Variants in PCBP2 observed in about 807,000 individuals in gnomAD.
PCBP2 encodes the protein poly(rC)-binding protein 2.
A neutral mutation model predicts 50.1 loss-of-function variants in PCBP2; 4 were observed. The ratio of observed to expected loss-of-function variants is 0.08; its 90% CI spans 0.04 to 0.18. PCBP2 has a LOEUF of 0.18. Ranked by LOEUF, PCBP2 falls within the 10% of genes least tolerant of loss-of-function variation. The probability of loss-of-function intolerance (pLI) is 1.00; values close to 1 mark genes in which losing one functional copy is unlikely to be tolerated. For missense variants in PCBP2, 161 were observed against 474.3 expected (o/e 0.34, Z 6.14); for synonymous variants, 179 against 168.0 (o/e 1.07, Z -0.51).
chr12:53,468,758 GCT>G lies in PCBP2; in HGVS notation c.827-14_827-13del. 6.2e-7 allele frequency: 1 copy of G among 1,602,818 alleles called. No individual in the cohort carries two copies. The highest frequency in any genetic ancestry group is 1.1e-5 in the South Asian group (1 of 90,762). On this transcript the variant is annotated splice_polypyrimidine_tract_variant and intron_variant, in intron 12 of 14. Coordinates refer to ENST00000546463, the MANE Select transcript of PCBP2 (RefSeq NM_031989.5). ...TGAATGCTGTGCATTGAATTTGCTT[GCT>G]CTCTTCTGTCTTTTAGCAGGTTTGG... is the stretch of plus-strand genomic sequence containing the variant.
chr12:53,466,484 G>C (rs1941833563), intron 10 of PCBP2, among the ~76,000 whole-genome samples: 1 of 152,180 alleles, frequency 6.6e-6, no homozygotes, highest in African/African-American at 2.4e-5. Flanking sequence ...AACCTTTCTT[G>C]CTGCTAAAAC....
At position 53,466,533 on chromosome 12, in the gene PCBP2, A is replaced by G. The variant is rs190136137; in HGVS notation, c.714+560A>G. Among the ~76,000 whole-genome samples, 132 of 152,246 alleles carry G rather than the reference A, an allele frequency of 8.7e-4. 1 individual carries two copies. The highest frequency in any genetic ancestry group is 3.4e-3 in the Middle Eastern group (1 of 294). On this transcript the variant is annotated intron_variant, in intron 10 of 14. Transcript: ENST00000546463. ...GTGCCGGTATTTAGACTTCAAGGGC[A>G]TTTTTTTCTGCACTTTTCTTTTATC...
intron 14 of PCBP2, among the ~76,000 whole-genome samples, chr12:53,473,604 T>A (rs987030294): frequency 6.6e-6 from 1 of 152,206 alleles, no homozygotes. Context: ...GTAGAGTGGC[T>A]CTTTTCAGGA....
intron 13 of PCBP2, among the ~76,000 whole-genome samples, chr12:53,469,485 C>T (rs943785906): frequency 4.6e-5 from 7 of 151,838 alleles, no homozygotes; most frequent in African/African-American, 1.7e-4. Flanking sequence ...CTTTGGGAGG[C>T]CGAGGCGGGT....
intron 14 of PCBP2, among the ~76,000 whole-genome samples, chr12:53,476,489 A>C (rs1942590943): frequency 6.6e-6 from 1 of 152,160 alleles, no homozygotes; most frequent in Non-Finnish European, 1.5e-5. Context: ...AAACAGTAGA[A>C]ATGTTCTTAG....
chr12:53,472,874 C>G (rs955093141), intron 14 of PCBP2, among the ~76,000 whole-genome samples: 2 of 152,114 alleles, frequency 1.3e-5, no homozygotes, highest in African/African-American at 4.8e-5. Context: ...CTTTCCCTTT[C>G]CTAGATTTGT....
At chr12:53,452,989 A>T (rs1426687556) in intron 1 of PCBP2, 1 of 152,058 alleles carries the variant, frequency 6.6e-6, no homozygotes, top group East Asian at 1.9e-4. Flanking sequence ...ACGAATTTTT[A>T]AATTACAAAA....
At chr12:53,478,503 A>AAAT in intron 14 of PCBP2, among the ~76,000 whole-genome samples, 1 of 151,884 alleles carries the variant, frequency 6.6e-6, no homozygotes, top group East Asian at 1.9e-4. Context: ...CAGTCTCAAA[A>AAAT]AAATAAATAA....
chr12:53,467,907 C>A, intron 12 of PCBP2, 64 bp downstream of exon 12: 1 of 1,178,508 alleles, frequency 8.5e-7, no homozygotes, highest in Non-Finnish European at 1.3e-6. Context: ...TGGTGGGAGT[C>A]TTGTTTCACT....
At chr12:53,456,518 A>G (rs184957596) in intron 5 of PCBP2, among the ~76,000 whole-genome samples, 10 of 152,120 alleles carry the variant, frequency 6.6e-5, no homozygotes, top group African/African-American at 2.4e-4. Flanking sequence ...TGGACTTAAT[A>G]TAAATAATTT....
chr12:53,471,924 G>GAT, intron 14 of PCBP2, 117 bp downstream of exon 14: 5 of 436,928 alleles, frequency 1.1e-5, no homozygotes, highest in Non-Finnish European at 7.0e-6. Flanking sequence ...TGGCCAAAAG[G>GAT]TTTTTTTTTT....
At chr12:53,472,920 A>T (rs779561878) in intron 14 of PCBP2, among the ~76,000 whole-genome samples, 10 of 152,096 alleles carry the variant, frequency 6.6e-5, no homozygotes, top group Non-Finnish European at 1.3e-4. Flanking sequence ...TAGGTCCTTA[A>T]TGTTGAGAAT....
At chr12:53,467,632 A>T in intron 11 of PCBP2, 173 bp from the exon 12 acceptor site, 1 of 656,428 alleles carries the variant, frequency 1.5e-6, no homozygotes, top group Non-Finnish European at 2.7e-6. Context: ...TCCACCAGCA[A>T]TTCACAGGCT....
chr12:53,458,221 C>T (rs1941185687), intron 5 of PCBP2, among the ~76,000 whole-genome samples: 1 of 152,094 alleles, frequency 6.6e-6, no homozygotes, highest in Admixed American at 6.6e-5. Context: ...AGCCACCGTG[C>T]CCCGCCTGTT....
chr12:53,470,249 G>A (rs550375874), intron 13 of PCBP2, among the ~76,000 whole-genome samples: 48 of 151,582 alleles, frequency 3.2e-4, no homozygotes, highest in African/African-American at 1.0e-3. Context: ...GTGCTGGCCC[G>A]CACCTGTAAT....
intron 12 of PCBP2, chr12:53,468,555 C>T: frequency 1.8e-6 from 1 of 545,698 alleles, no homozygotes; most frequent in East Asian, 3.1e-5. Flanking sequence ...CAGGAAATGG[C>T]ATGAAATCAG....
intron 8 of PCBP2, 52 bp downstream of exon 8, chr12:53,462,619 T>C (rs1365732776): frequency 6.7e-7 from 1 of 1,481,810 alleles, no homozygotes; most frequent in African/African-American, 1.4e-5. Flanking sequence ...ATATTTGAAA[T>C]GTCAACTTTG....
At chr12:53,459,680 G>A (rs958392467) in intron 6 of PCBP2, 1 of 265,114 alleles carries the variant, frequency 3.8e-6, no homozygotes, top group African/African-American at 2.2e-5. Context: ...TTTCCATGAG[G>A]CTACATAGTT....
chr12:53,453,730 C>G (rs1014970550), intron 1 of PCBP2, among the ~76,000 whole-genome samples: 1 of 152,020 alleles, frequency 6.6e-6, no homozygotes, highest in Admixed American at 6.6e-5. Context: ...AAAGCTGTTA[C>G]GATTAGGTGC....
Sources: gnomAD v4.1 joint callset for allele counts (sites outside exome capture counted in the v4.1 genomes callset) on GRCh38, gnomAD v4.1.1 for gene constraint, MANE v1.5 for transcripts, NCBI Gene and HGNC (gene_info 2026-07-23, HGNC 2026-07-21) for gene names.